The following ZPBP variants were observed in gnomAD, a reference collection of about 807,000 sequenced individuals.
ZPBP encodes the protein zona pellucida binding protein, also known as zona pellucida-binding protein 1.
Under a neutral mutation model 44.8 loss-of-function variants are expected in ZPBP, and 26 were observed. The ratio of observed to expected loss-of-function variants is 0.58; its 90% CI spans 0.43 to 0.81. The LOEUF is 0.81. ZPBP is among the 30% of genes least tolerant of loss of function. ZPBP has a pLI of 0.00. For synonymous variants in ZPBP, 174 were observed against 153.2 expected (o/e 1.14, Z -1.00); for missense variants, 409 against 434.0 (o/e 0.94, Z 0.51).
At chr7:50,002,919 G>A (rs565489668) in intron 6 of ZPBP, among the ~76,000 whole-genome samples, 1 of 152,262 alleles carries the variant, frequency 6.6e-6, no homozygotes, top group African/African-American at 2.4e-5. Context: ...TTGATAAAAT[G>A]ATTGTTATGT....
intron 2 of ZPBP, among the ~76,000 whole-genome samples, chr7:49,861,504 C>T (rs764448018): frequency 1.4e-4 from 21 of 152,066 alleles, no homozygotes; most frequent in South Asian, 4.2e-4. Context: ...TAATGAAATC[C>T]AGTTCATCTA....
chr7:50,057,885 G>A, intron 4 of ZPBP, 104 bp downstream of exon 4: 2 of 1,091,030 alleles, frequency 1.8e-6, no homozygotes, highest in South Asian at 1.5e-5. Context: ...TTAATTAAAT[G>A]AGACTAAAAA....
In ZPBP at chr7:49,871,313, C is replaced by T. The variant is rs541130929; in HGVS notation, n.510-20799G>A. On this transcript the variant is annotated intron_variant and non_coding_transcript_variant, in intron 2 of 2. Coordinates refer to the ZPBP transcript ENST00000465922. Reference sequence around the variant, plus strand: ...TTGATCCAAGTCGGATTCCCTGAAGCACTGTGCAATTAAAACCCCTGCGCA... The same window carrying T: ...TTGATCCAAGTCGGATTCCCTGAAGTACTGTGCAATTAAAACCCCTGCGCA... 5.3e-5 allele frequency among the ~76,000 whole-genome samples: 8 copies of T among 152,254 alleles called. No individual in the cohort carries two copies. In the East Asian group the frequency reaches 1.5e-3, roughly 29 times the overall value.
intron 6 of ZPBP, among the ~76,000 whole-genome samples, chr7:49,985,414 C>A (rs1412741969): frequency 6.6e-6 from 1 of 151,986 alleles, no homozygotes; most frequent in Non-Finnish European, 1.5e-5. Flanking sequence ...TTTCCAGAAG[C>A]CTATTGATGA....
chr7:50,021,985 G>A (rs575774496), intron 5 of ZPBP, among the ~76,000 whole-genome samples: 2 of 152,192 alleles, frequency 1.3e-5, no homozygotes, highest in Admixed American at 6.5e-5. Context: ...ACAATAAGAC[G>A]AACATCAGAT....
At chr7:49,874,866 G>T (rs1017740992) in intron 2 of ZPBP, among the ~76,000 whole-genome samples, 1 of 151,890 alleles carries the variant, frequency 6.6e-6, no homozygotes, top group Non-Finnish European at 1.5e-5. Context: ...CAGAGAGTAT[G>T]GCCAGAACCT....
chr7:49,988,069 T>C (rs542717845), intron 6 of ZPBP, among the ~76,000 whole-genome samples: 1 of 152,294 alleles, frequency 6.6e-6, no homozygotes, highest in African/African-American at 2.4e-5. Context: ...TGTGAATACA[T>C]TAAATTCAAC....
chr7:50,023,733 T>C (rs1420535085), intron 5 of ZPBP, among the ~76,000 whole-genome samples: 1 of 151,966 alleles, frequency 6.6e-6, no homozygotes, highest in East Asian at 1.9e-4. Flanking sequence ...ATGAATAACA[T>C]GCTAAGAGTT....
At chr7:49,997,700 T>C (rs1355518750) in intron 6 of ZPBP, among the ~76,000 whole-genome samples, 6 of 152,104 alleles carry the variant, frequency 3.9e-5, no homozygotes, top group African/African-American at 7.2e-5. Flanking sequence ...GATACCACCA[T>C]TGGAAGGGAG....
chr7:50,090,524 T>C, intron 1 of ZPBP, among the ~76,000 whole-genome samples: 1 of 151,716 alleles, frequency 6.6e-6, no homozygotes, highest in East Asian at 1.9e-4. Flanking sequence ...TATATATGTG[T>C]ATATATATGT....
chr7:49,980,233 A>C (rs1169248327), intron 7 of ZPBP, among the ~76,000 whole-genome samples: 1 of 122,332 alleles, frequency 8.2e-6, no homozygotes, highest in Non-Finnish European at 1.6e-5. Flanking sequence ...ATATAATATA[A>C]ATATATAATA....
At chr7:49,979,009 T>C (rs1339053372) in intron 7 of ZPBP, among the ~76,000 whole-genome samples, 2 of 151,992 alleles carry the variant, frequency 1.3e-5, no homozygotes, top group Admixed American at 6.6e-5. Flanking sequence ...TGGCACAAAA[T>C]GAAATTTAGC....
chr7:50,019,097 C>T (rs1003614885), intron 5 of ZPBP, among the ~76,000 whole-genome samples: 1 of 152,024 alleles, frequency 6.6e-6, no homozygotes, highest in Admixed American at 6.6e-5. Flanking sequence ...ACATTTGAGG[C>T]CTCTACTCCA....
chr7:50,090,071 A>G (rs759791151), intron 1 of ZPBP, among the ~76,000 whole-genome samples: 13 of 152,106 alleles, frequency 8.5e-5, no homozygotes, highest in Non-Finnish European at 1.9e-4. Context: ...CACCTTTTTA[A>G]TAACACTCAT....
At chr7:50,082,410 A>G (rs1172016972) in intron 2 of ZPBP, among the ~76,000 whole-genome samples, 1 of 151,926 alleles carries the variant, frequency 6.6e-6, no homozygotes, top group Non-Finnish European at 1.5e-5. Flanking sequence ...TAAATATTAA[A>G]GCATTTTGTT....
intron 2 of ZPBP, among the ~76,000 whole-genome samples, chr7:49,878,559 C>T (rs937972013): frequency 5.3e-5 from 8 of 152,130 alleles, no homozygotes; most frequent in African/African-American, 1.2e-4. Flanking sequence ...CAGCTCTCAA[C>T]GCTCGGTCTA....
In ZPBP at chr7:50,005,037, T is replaced by C. The variant is rs72603410; in HGVS notation, c.783+13203A>G. 2.8e-5 allele frequency among the ~76,000 whole-genome samples: 3 copies of C among 105,778 alleles called. No homozygotes were observed. In the East Asian group the frequency reaches 1.0e-3, roughly 37 times the overall value. 69.4% of individuals were successfully genotyped at this position (105,778 alleles called of 152,430 possible). Reference sequence around the variant, plus strand: ...GTCAAAGAAAACAACTGAATCATTTTAAAAAAAAAAAAGGCAAGAGAAACT... The same window carrying C: ...GTCAAAGAAAACAACTGAATCATTTCAAAAAAAAAAAAGGCAAGAGAAACT... On this transcript the variant is annotated intron_variant, in intron 6 of 7. Coordinates refer to ENST00000046087, the MANE Select transcript of ZPBP (RefSeq NM_007009.3).
intron 4 of ZPBP, among the ~76,000 whole-genome samples, chr7:50,056,966 A>C (rs1800966126): frequency 6.6e-6 from 1 of 152,068 alleles, no homozygotes; most frequent in Admixed American, 6.6e-5. Flanking sequence ...TGGGCAGATC[A>C]TGAGGTCAGG....
intron 2 of ZPBP, among the ~76,000 whole-genome samples, chr7:49,855,638 T>C (rs1677680113): frequency 6.6e-6 from 1 of 152,174 alleles, no homozygotes; most frequent in African/African-American, 2.4e-5. Flanking sequence ...TGCAGGAGAA[T>C]GTGGCAGTTC....
Sources: allele counts gnomAD v4.1 joint callset (sites outside exome capture counted in the v4.1 genomes callset), GRCh38; gene constraint gnomAD v4.1.1; transcripts MANE v1.5; gene names NCBI Gene and HGNC (gene_info 2026-07-23, HGNC 2026-07-21).